Variants in SGCZ observed in about 807,000 individuals in gnomAD.
SGCZ encodes sarcoglycan zeta.
In SGCZ, 40 loss-of-function variants were observed where a neutral mutation model predicts 41.3. That is an observed-to-expected ratio of 0.97 (90% CI 0.75 to 1.26). SGCZ has a LOEUF of 1.26. Among genes scored for constraint, SGCZ ranks in the 50% most tolerant of loss-of-function variants. The probability of loss-of-function intolerance (pLI) is 0.00; values close to 1 mark genes in which losing one functional copy is unlikely to be tolerated. For missense variants in SGCZ, 552 were observed against 369.8 expected (o/e 1.49, Z -4.04); for synonymous variants, 206 against 137.5 (o/e 1.50, Z -3.49).
intron 1 of SGCZ, among the ~76,000 whole-genome samples, chr8:14,811,516 A>ATTTT (rs1291833711): frequency 4.4e-4 from 20 of 45,098 alleles, no homozygotes; most frequent in South Asian, 7.3e-4. Flanking sequence ...AAGACACTGC[A>ATTTT]TCTTTTTTTT....
intron 1 of SGCZ, among the ~76,000 whole-genome samples, chr8:14,933,902 A>C (rs1800002406): frequency 6.6e-6 from 1 of 152,048 alleles, no homozygotes; most frequent in African/African-American, 2.4e-5. Context: ...AACATTAAAA[A>C]CACACAGGGA....
chr8:14,335,796 A>G (rs959498425), intron 2 of SGCZ, among the ~76,000 whole-genome samples: 3 of 152,074 alleles, frequency 2.0e-5, no homozygotes, highest in African/African-American at 7.2e-5. Context: ...AGCTTGTGCC[A>G]GTCTCTATTT....
chr8:15,217,987 G>A (rs566458743), intron 1 of SGCZ, among the ~76,000 whole-genome samples: 2 of 152,224 alleles, frequency 1.3e-5, no homozygotes, highest in African/African-American at 2.4e-5. Flanking sequence ...TGGGGAGGCC[G>A]AGGTAGGAGA....
chr8:15,214,111 G>T (rs182108126), intron 1 of SGCZ, among the ~76,000 whole-genome samples: 2 of 151,812 alleles, frequency 1.3e-5, no homozygotes, highest in East Asian at 3.9e-4. Context: ...GTTCTCTGAT[G>T]ATCAGCCATG....
chr8:14,099,723 C>G (rs535620051), intron 7 of SGCZ, among the ~76,000 whole-genome samples: 1 of 150,738 alleles, frequency 6.6e-6, no homozygotes, highest in Non-Finnish European at 1.5e-5. Context: ...GAGACTCTGT[C>G]TCAAAAAAAA....
At chr8:14,921,283 T>C (rs1799581427) in intron 1 of SGCZ, among the ~76,000 whole-genome samples, 1 of 152,172 alleles carries the variant, frequency 6.6e-6, no homozygotes, top group Non-Finnish European at 1.5e-5. Context: ...TATGAGGTTG[T>C]CAAAGTTCTC....
intron 1 of SGCZ, among the ~76,000 whole-genome samples, chr8:15,034,511 AAG>A (rs1381984237): frequency 2.0e-5 from 3 of 152,278 alleles, no homozygotes; most frequent in Middle Eastern, 3.4e-3. Flanking sequence ...GTTTAAGGAG[AAG>A]AGAGAAATAA....
intron 4 of SGCZ, among the ~76,000 whole-genome samples, chr8:14,200,389 C>T (rs2117068409): frequency 6.6e-6 from 1 of 152,190 alleles, no homozygotes. Context: ...ATTGAATAAT[C>T]TAAAATAGCC....
At chr8:14,710,232 T>C (rs1809470330) in intron 1 of SGCZ, among the ~76,000 whole-genome samples, 1 of 151,090 alleles carries the variant, frequency 6.6e-6, no homozygotes, top group African/African-American at 2.4e-5. Flanking sequence ...TAGCAGGGCG[T>C]GGTGGCAGGC....
chr8:14,680,543 T>A (rs556986111), intron 1 of SGCZ, among the ~76,000 whole-genome samples: 1 of 151,080 alleles, frequency 6.6e-6, no homozygotes, highest in East Asian at 2.0e-4. Context: ...AAATCACTCA[T>A]ATAAACGGAG....
chr8:14,139,696 G>A (rs146368312), intron 5 of SGCZ, among the ~76,000 whole-genome samples: 67 of 151,718 alleles, frequency 4.4e-4, no homozygotes, highest in East Asian at 3.7e-3. Flanking sequence ...GGCAATAATA[G>A]CCTACCAACC....
chr8:14,312,314 G>C (rs985866030), intron 3 of SGCZ, among the ~76,000 whole-genome samples: 3 of 151,982 alleles, frequency 2.0e-5, no homozygotes, highest in African/African-American at 7.2e-5. Flanking sequence ...TGCTCCTAGA[G>C]TTTTGGGGAA....
chr8:14,614,043 C>T (rs868039429), intron 1 of SGCZ, among the ~76,000 whole-genome samples: 6 of 152,116 alleles, frequency 3.9e-5, no homozygotes, highest in Middle Eastern at 3.4e-3. Flanking sequence ...GAGTACAGGC[C>T]GCTCACACTC....
intron 4 of SGCZ, among the ~76,000 whole-genome samples, chr8:14,203,940 G>A (rs1307396595): frequency 6.6e-6 from 1 of 151,618 alleles, no homozygotes; most frequent in Non-Finnish European, 1.5e-5. Flanking sequence ...TATATGGAGA[G>A]GGGAGACCTG....
At chr8:14,193,852 A>G (rs1193923106) in intron 4 of SGCZ, among the ~76,000 whole-genome samples, 1 of 151,866 alleles carries the variant, frequency 6.6e-6, no homozygotes, top group African/African-American at 2.4e-5. Flanking sequence ...TTTAATAAAG[A>G]AACTCCTACC....
chr8:14,888,502 G>A (rs1269584507), intron 1 of SGCZ, among the ~76,000 whole-genome samples: 4 of 152,080 alleles, frequency 2.6e-5, no homozygotes, highest in Admixed American at 2.0e-4. Context: ...ATACATAATC[G>A]TATCATGAGC....
intron 1 of SGCZ, among the ~76,000 whole-genome samples, chr8:14,787,628 C>A (rs184518653): frequency 2.0e-5 from 3 of 151,974 alleles, no homozygotes; most frequent in African/African-American, 7.2e-5. Context: ...GGGCGGATCA[C>A]CTGAGGTTGG....
chr8:14,955,743 T>C (rs572465742), intron 1 of SGCZ, among the ~76,000 whole-genome samples: 10 of 152,208 alleles, frequency 6.6e-5, no homozygotes, highest in Non-Finnish European at 1.2e-4. Flanking sequence ...AGAAGTTTTC[T>C]AAATATTTTG....
rs1436758640 is a variant in SGCZ, at chr8:14,195,213, G to C, written c.425-30511C>G. ...AAAACATGTATTATAACTGTCTGCT[G>C]TCTGGAGAAAAGTCAGGGACATGTA... On this transcript the variant is annotated intron_variant, in intron 4 of 7. Coordinates refer to ENST00000382080, the MANE Select transcript of SGCZ (RefSeq NM_139167.4). 8.6e-5 allele frequency among the ~76,000 whole-genome samples: 13 copies of C among 152,034 alleles called. No homozygotes were observed. In the East Asian group the frequency reaches 2.3e-3, roughly 27 times the overall value.
Sources: allele counts gnomAD v4.1 joint callset (sites outside exome capture counted in the v4.1 genomes callset), GRCh38; gene constraint gnomAD v4.1.1; transcripts MANE v1.5; gene names NCBI Gene and HGNC (gene_info 2026-07-23, HGNC 2026-07-21).